Variants in CDH18 observed in about 807,000 individuals in gnomAD.
CDH18 encodes the protein cadherin-18.
A neutral mutation model predicts 67.9 loss-of-function variants in CDH18; 31 were observed. The observed-to-expected ratio is 0.46, with a 90% CI of 0.34 to 0.62. The LOEUF is 0.62. CDH18 is among the 20% of genes least tolerant of loss of function. The pLI, the probability that CDH18 is intolerant of heterozygous loss-of-function variation, is 0.01. For missense variants in CDH18, 890 were observed against 975.5 expected (o/e 0.91, Z 1.17); for synonymous variants, 362 against 347.2 (o/e 1.04, Z -0.48).
intron 6 of CDH18, among the ~76,000 whole-genome samples, chr5:19,610,719 TCTTCAA>T (rs916835587): frequency 9.5e-4 from 145 of 152,260 alleles, no homozygotes; most frequent in African/African-American, 3.1e-3. Flanking sequence ...ATTATCTTTA[TCTTCAA>T]CTTCAATTGT....
chr5:20,064,769 T>C (rs1377234308), intron 2 of CDH18, among the ~76,000 whole-genome samples: 1 of 152,070 alleles, frequency 6.6e-6, no homozygotes, highest in African/African-American at 2.4e-5. Context: ...GTGTCTTCAG[T>C]GAAGACACTG....
intron 2 of CDH18, among the ~76,000 whole-genome samples, chr5:19,920,064 G>A (rs1792260337): frequency 1.3e-5 from 2 of 152,138 alleles, no homozygotes; most frequent in Admixed American, 6.5e-5. Flanking sequence ...TCAGAAACAT[G>A]TTAAAGTAAT....
rs189052918 is a variant in CDH18 at position 20,096,924 on chromosome 5, G to A, written c.-517-104910C>T. ...TGCCCAAAGAGTCACTTTACATGTAGGAAGAAAAGATCTCTTGCATAGCAT... is the reference window on the plus strand; with the variant it reads ...TGCCCAAAGAGTCACTTTACATGTAAGAAGAAAAGATCTCTTGCATAGCAT... On this transcript the variant is annotated intron_variant, in intron 2 of 14. Coordinates refer to the CDH18 transcript ENST00000507958. Among the ~76,000 whole-genome samples the A allele has an allele frequency of 3.9e-5, 6 of 152,168 alleles. No homozygotes were observed. The East Asian group carries it at 1.2e-3, about 29-fold the overall frequency.
intron 5 of CDH18, among the ~76,000 whole-genome samples, chr5:19,671,865 C>A (rs1389005729): frequency 6.6e-6 from 1 of 152,004 alleles, no homozygotes; most frequent in Non-Finnish European, 1.5e-5. Flanking sequence ...ACTCGAGATG[C>A]CCTTTATGCA....
In CDH18 at chr5:20,296,063, A is replaced by G. The variant is rs564346762; in HGVS notation, c.-579-40558T>C. ...ATTATTTTTTGTATTTTTAGTAGAG[A>G]CGGGGTTTCGCCACGTTGGCCAGCC... On this transcript the variant is annotated intron_variant, in intron 1 of 14. Transcript: ENST00000507958. 5.3e-5 allele frequency among the ~76,000 whole-genome samples: 8 copies of G among 150,896 alleles called. 1 individual carries two copies. The South Asian group carries it at 1.7e-3, about 32-fold the overall frequency.
chr5:20,112,255 C>T (rs568319934), intron 2 of CDH18, among the ~76,000 whole-genome samples: 1 of 152,250 alleles, frequency 6.6e-6, no homozygotes, highest in South Asian at 2.1e-4. Context: ...AATAATTATC[C>T]ACTCCAAATA....
chr5:19,822,751 T>C (rs554037610), intron 3 of CDH18, among the ~76,000 whole-genome samples: 16 of 152,208 alleles, frequency 1.1e-4, no homozygotes, highest in African/African-American at 2.9e-4. Context: ...GAAATTAAAA[T>C]TGGTAATGAA....
At chr5:20,335,833 T>C (rs1388075300) in intron 1 of CDH18, among the ~76,000 whole-genome samples, 3 of 152,186 alleles carry the variant, frequency 2.0e-5, no homozygotes, top group Non-Finnish European at 4.4e-5. Context: ...ATTAAAGCAT[T>C]ATGAACAAAG....
intron 2 of CDH18, among the ~76,000 whole-genome samples, chr5:20,125,523 GA>G (rs940131745): frequency 2.0e-5 from 3 of 151,700 alleles, no homozygotes; most frequent in African/African-American, 7.3e-5. Context: ...TTTCATTGGG[GA>G]AAAAAAGACT....
intron 1 of CDH18, among the ~76,000 whole-genome samples, chr5:20,489,908 T>G (rs867808271): frequency 6.6e-6 from 1 of 151,812 alleles, no homozygotes; most frequent in South Asian, 2.1e-4. Context: ...TGTTCTTATC[T>G]AATAGATTCA....
chr5:20,244,873 A>C (rs1434059927), intron 2 of CDH18, among the ~76,000 whole-genome samples: 1 of 151,980 alleles, frequency 6.6e-6, no homozygotes, highest in Non-Finnish European at 1.5e-5. Context: ...AAGAGAGAGA[A>C]AGAAACAGAC....
At chr5:19,905,410 T>A (rs2150124328) in intron 2 of CDH18, among the ~76,000 whole-genome samples, 1 of 151,992 alleles carries the variant, frequency 6.6e-6, no homozygotes, top group African/African-American at 2.4e-5. Flanking sequence ...ATACTTTATT[T>A]TTATTAATAT....
At chr5:20,129,186 G>T (rs1288901941) in intron 2 of CDH18, among the ~76,000 whole-genome samples, 2 of 151,560 alleles carry the variant, frequency 1.3e-5, no homozygotes, top group Admixed American at 1.3e-4. Context: ...GAGAAAGATA[G>T]AACTAGCTAT....
chr5:20,390,380 T>C (rs1289889905), intron 1 of CDH18, among the ~76,000 whole-genome samples: 2 of 151,990 alleles, frequency 1.3e-5, no homozygotes, highest in African/African-American at 2.4e-5. Flanking sequence ...AAAAGACACA[T>C]GAAAAAATGC....
At position 19,472,803 on chromosome 5, in the gene CDH18, T is replaced by A; in HGVS notation, c.*423A>T. The A allele has an allele frequency of 6.1e-6, 1 of 163,142 alleles. No individual in the cohort carries two copies. Among genetic ancestry groups the A allele is most frequent in the Non-Finnish European group, 1.4e-5 (1 of 73,940 alleles). The allele number at this position is 163,142 out of a possible 1,614,324, so 10.1% of individuals were successfully genotyped here. ...AGAAAAGTGATAAAAGAGGTTGTGA[T>A]TACCTTCACAAGTTTCCTGTATTAG... On this transcript the variant is annotated 3_prime_UTR_variant, in exon 13 of 13. Transcript: ENST00000382275.
chr5:20,176,566 C>T (rs1484130413), intron 2 of CDH18, among the ~76,000 whole-genome samples: 1 of 152,138 alleles, frequency 6.6e-6, no homozygotes, highest in Non-Finnish European at 1.5e-5. Flanking sequence ...CATAAGGTTA[C>T]AATAGATCTG....
intron 1 of CDH18, among the ~76,000 whole-genome samples, chr5:20,533,190 C>T (rs1179144386): frequency 6.6e-6 from 1 of 152,060 alleles, no homozygotes; most frequent in Admixed American, 6.6e-5. Context: ...AGGTGAACAG[C>T]AAACTACTAA....
intron 2 of CDH18, among the ~76,000 whole-genome samples, chr5:20,250,279 A>T (rs947222546): frequency 5.4e-5 from 6 of 111,010 alleles, no homozygotes; most frequent in East Asian, 4.9e-4. Flanking sequence ...TGACAATTTT[A>T]TTTTTTTTTT....
At position 20,172,155 on chromosome 5, in the gene CDH18, G is replaced by A. The variant is rs146606438; in HGVS notation, c.-518+83289C>T. Among the ~76,000 whole-genome samples the A allele has an allele frequency of 1.6e-3, 149 of 91,652 alleles. 3 individuals carry two copies. In the East Asian group the frequency reaches 0.045, roughly 28 times the overall value. 60.1% of individuals were successfully genotyped at this position (91,652 alleles called of 152,430 possible). On this transcript the variant is annotated intron_variant, in intron 2 of 14. Transcript: ENST00000507958. The stretch of plus-strand genomic sequence containing the variant: ...CCTTTTCAACATAAGGTCAATGAAG[G>A]AATTATGAGAACTTTGATATCAATA...
Sources: gnomAD v4.1 joint callset for allele counts (sites outside exome capture counted in the v4.1 genomes callset) on GRCh38, gnomAD v4.1.1 for gene constraint, MANE v1.5 for transcripts, NCBI Gene and HGNC (gene_info 2026-07-23, HGNC 2026-07-21) for gene names.